The following CENPC variants were observed in gnomAD, a reference collection of about 807,000 sequenced individuals.
The protein encoded by CENPC is CENP-C 1.
Under a neutral mutation model 112.1 loss-of-function variants are expected in CENPC, and 63 were observed. The ratio of observed to expected loss-of-function variants is 0.56; its 90% CI spans 0.46 to 0.69. The LOEUF is 0.69. Ranked by LOEUF, CENPC falls within the 30% of genes least tolerant of loss-of-function variation. The pLI is 0.00. For missense variants in CENPC, 1,000 were observed against 1,103.8 expected (o/e 0.91, Z 1.33); for synonymous variants, 333 against 367.6 (o/e 0.91, Z 1.08).
chr4:67,541,826 A>G (rs1418450656), intron 2 of CENPC, among the ~76,000 whole-genome samples: 1 of 152,028 alleles, frequency 6.6e-6, no homozygotes, highest in Non-Finnish European at 1.5e-5. Flanking sequence ...AATCATAACC[A>G]CCTTTCTCTC....
At chr4:67,540,932 A>T (rs914825674) in intron 3 of CENPC, 48 bp downstream of exon 3, 1 of 1,240,698 alleles carries the variant, frequency 8.1e-7, no homozygotes, top group Non-Finnish European at 1.2e-6. Flanking sequence ...ACAAATTCAT[A>T]TTTTCATCCA....
chr4:67,492,094 GA>G lies in CENPC; in HGVS notation c.2515+85del, dbSNP rs1371165728. ...ACTGATAGAATTGGGGAGAGAAAGG[GA>G]AAGTAGACAGGCCAATCATCAAGCA... is the stretch of plus-strand genomic sequence containing the variant. On this transcript the variant is annotated intron_variant, in intron 16 of 18. Transcript: ENST00000273853. The G allele has an allele frequency of 4.6e-6, 4 of 873,684 alleles. No individual in the cohort carries two copies. In the African/African-American group the frequency reaches 6.8e-5, roughly 15 times the overall value. 54.1% of individuals were successfully genotyped at this position (873,684 alleles called of 1,614,324 possible).
At chr4:67,520,057 C>T (rs7699834) in intron 5 of CENPC, among the ~76,000 whole-genome samples, 9,369 of 152,182 alleles carry the variant, frequency 0.062, 449 homozygotes, top group Admixed American at 0.18. Context: ...CCCATATACC[C>T]CTGGACTGGT....
chr4:67,536,838 T>A (rs2109832147), intron 4 of CENPC, among the ~76,000 whole-genome samples: 1 of 151,532 alleles, frequency 6.6e-6, no homozygotes, highest in Admixed American at 6.6e-5. Flanking sequence ...AAGCCAAACT[T>A]GGTTTTCTGA....
chr4:67,530,146 A>G (rs1005100369), intron 5 of CENPC, among the ~76,000 whole-genome samples: 3 of 152,218 alleles, frequency 2.0e-5, no homozygotes, highest in African/African-American at 7.2e-5. Flanking sequence ...TTGGGATAAG[A>G]CAGAACTTTT....
At position 67,545,238 on chromosome 4, in the gene CENPC, A is replaced by T. The variant is rs534289146; in HGVS notation, c.18+100T>A. 204 of 1,212,602 alleles carry T rather than the reference A, an allele frequency of 1.7e-4. 1 individual carries two copies. The East Asian group carries it at 6.0e-3, about 36-fold the overall frequency. 75.1% of individuals were successfully genotyped at this position (1,212,602 alleles called of 1,614,324 possible). A position where few individuals can be genotyped will look rare whatever the true frequency, so the allele number is the denominator to read the frequency against. ...GCTTTCCCACTGAAATCCCTCAGAGATCACAGCCTCAGCCTAGCATTTCCT... is the reference window on the plus strand; with the variant it reads ...GCTTTCCCACTGAAATCCCTCAGAGTTCACAGCCTCAGCCTAGCATTTCCT... On this transcript the variant is annotated intron_variant, in intron 1 of 18. Coordinates refer to ENST00000273853, the MANE Select transcript of CENPC (RefSeq NM_001812.4).
At chr4:67,543,994 C>T (rs1726957437) in intron 2 of CENPC, among the ~76,000 whole-genome samples, 155 bp downstream of exon 2, 1 of 152,140 alleles carries the variant, frequency 6.6e-6, no homozygotes, top group African/African-American at 2.4e-5. Flanking sequence ...GCACTGCTTG[C>T]ATTAACATTC....
intron 13 of CENPC, 35 bp downstream of exon 13, chr4:67,495,124 T>A (rs1725393884): frequency 2.7e-6 from 4 of 1,455,448 alleles, no homozygotes. Context: ...GGTATTTTTC[T>A]CAATGAAAAT....
At chr4:67,489,215 C>CACACAT (rs1429978653) in intron 17 of CENPC, among the ~76,000 whole-genome samples, 1 of 151,318 alleles carries the variant, frequency 6.6e-6, no homozygotes. Context: ...CACACACACA[C>CACACAT]ACACACATAC....
intron 9 of CENPC, among the ~76,000 whole-genome samples, chr4:67,510,031 T>C (rs900028475): frequency 1.3e-5 from 2 of 152,016 alleles, no homozygotes; most frequent in Non-Finnish European, 2.9e-5. Context: ...TAATGAACAA[T>C]CTACAGTTTC....
In CENPC at chr4:67,545,359, C is replaced by T; in HGVS notation, c.-4G>A. On this transcript the variant is annotated 5_prime_UTR_variant, in exon 1 of 19. Coordinates refer to ENST00000273853, the MANE Select transcript of CENPC (RefSeq NM_001812.4). ...TTACCAGACCGGACGCAGCCATGTT[C>T]CGGCCCCGCTGAGCCAGCGCAACTG... The T allele has an allele frequency of 6.6e-7, 1 of 1,525,870 alleles. No individual in the cohort carries two copies. Among genetic ancestry groups the T allele is most frequent in the Non-Finnish European group, 8.8e-7 (1 of 1,133,266 alleles). The allele number at this position is 1,525,870 out of a possible 1,614,324, so 94.5% of individuals were successfully genotyped here. A position where few individuals can be genotyped will look rare whatever the true frequency, so the allele number is the denominator to read the frequency against.
intron 15 of CENPC, among the ~76,000 whole-genome samples, 169 bp from the exon 16 acceptor site, chr4:67,492,444 C>T (rs974384636): frequency 6.6e-6 from 1 of 152,076 alleles, no homozygotes; most frequent in Non-Finnish European, 1.5e-5. Flanking sequence ...AACTTAAAAA[C>T]CCATAATGAT....
intron 17 of CENPC, among the ~76,000 whole-genome samples, chr4:67,475,232 G>C (rs997547591): frequency 1.3e-5 from 2 of 152,230 alleles, no homozygotes; most frequent in African/African-American, 4.8e-5. Flanking sequence ...TGGAAGCAGA[G>C]AAGAAACGAA....
chr4:67,495,296 ATGAG>A (rs1189706295), intron 12 of CENPC, 84 bp from the exon 13 acceptor site: 9 of 1,249,932 alleles, frequency 7.2e-6, no homozygotes, highest in Non-Finnish European at 9.8e-6. Context: ...CAATTTCAGT[ATGAG>A]TATTTTAAAT....
Position 67,518,345 on chromosome 4 carries a change from A to T in CENPC, c.641T>A (p.Met214Lys). ...KKRLNFDDKV[M>K]LKKIEIDNKV... ...ATTATCTATTTCTATTTTCTTTAAC[A>T]TAACTTTATCATCAAAGTTTAACCT... is the stretch of plus-strand genomic sequence containing the variant. Residue 214 changes from methionine to lysine, a missense_variant, in exon 7 of 19, where the codon ATG (methionine) becomes AAG (lysine). Physicochemically the swap from Met to Lys is moderately conservative, Grantham distance 95. Coordinates refer to ENST00000273853, the MANE Select transcript of CENPC (RefSeq NM_001812.4). 2.0e-6 allele frequency: 3 copies of T among 1,529,360 alleles called. No individual in the cohort carries two copies. The highest frequency in any genetic ancestry group is 2.6e-6 in the Non-Finnish European group (3 of 1,141,886). The allele number at this position is 1,529,360 out of a possible 1,614,324, so 94.7% of individuals were successfully genotyped here.
chr4:67,485,696 T>C (rs1488636038), intron 17 of CENPC, among the ~76,000 whole-genome samples: 1 of 152,212 alleles, frequency 6.6e-6, no homozygotes. Flanking sequence ...ACAATGATCA[T>C]AATATACCAG....
intron 7 of CENPC, 60 bp from the exon 8 acceptor site, chr4:67,514,747 A>T: frequency 7.0e-7 from 1 of 1,426,238 alleles, no homozygotes; most frequent in Non-Finnish European, 9.3e-7. Flanking sequence ...TTTGTTTAGT[A>T]AAGAAAATAA....
At chr4:67,522,926 G>C (rs908136023) in intron 5 of CENPC, among the ~76,000 whole-genome samples, 15 of 152,134 alleles carry the variant, frequency 9.9e-5, no homozygotes, top group African/African-American at 3.4e-4. Context: ...CTTGAACTCA[G>C]GAGGCGGAGG....
chr4:67,518,962 C>T (rs1341491996), intron 6 of CENPC, among the ~76,000 whole-genome samples: 1 of 152,098 alleles, frequency 6.6e-6, no homozygotes, highest in Non-Finnish European at 1.5e-5. Flanking sequence ...TCTTAGGAAG[C>T]AATCAAATAT....
Sources: allele counts gnomAD v4.1 joint callset (sites outside exome capture counted in the v4.1 genomes callset), GRCh38; gene constraint gnomAD v4.1.1; transcripts MANE v1.5; gene names NCBI Gene and HGNC (gene_info 2026-07-23, HGNC 2026-07-21).